DOCK3: variants seen among roughly 807,000 people sequenced by gnomAD.
DOCK3 encodes dedicator of cytokinesis protein 3.
DOCK3 carries 60 observed loss-of-function variants against 265.6 expected under a neutral mutation model. The ratio of observed to expected loss-of-function variants is 0.23; its 90% CI spans 0.18 to 0.28. The LOEUF (loss-of-function observed/expected upper bound fraction) is 0.28, where lower values mean the gene tolerates loss of function less well. Ranked by LOEUF, DOCK3 falls within the 10% of genes least tolerant of loss-of-function variation. The probability of loss-of-function intolerance (pLI) is 1.00; values close to 1 mark genes in which losing one functional copy is unlikely to be tolerated. For synonymous variants in DOCK3, 881 were observed against 938.0 expected (o/e 0.94, Z 1.11); for missense variants, 1,981 against 2,594.3 (o/e 0.76, Z 5.14).
intron 2 of DOCK3, chr3:50,786,555 G>T (rs911470893): frequency 4.2e-6 from 2 of 479,768 alleles, no homozygotes; most frequent in Non-Finnish European, 4.0e-6. Context: ...TTAAGGAGAT[G>T]GATGTTAATG....
intron 22 of DOCK3, among the ~76,000 whole-genome samples, chr3:51,254,232 C>G (rs2079421362): frequency 6.6e-6 from 1 of 152,164 alleles, no homozygotes; most frequent in Admixed American, 6.5e-5. Flanking sequence ...GTCTGAGAGA[C>G]AGTTTGTTAA....
At chr3:51,279,984 T>C (rs2081024456) in intron 26 of DOCK3, 122 bp from the exon 27 acceptor site, 1 of 743,192 alleles carries the variant, frequency 1.3e-6, no homozygotes, top group East Asian at 2.7e-5. Flanking sequence ...AGATTTGTCA[T>C]CTTTCTTCCA....
intron 5 of DOCK3, among the ~76,000 whole-genome samples, chr3:50,963,943 T>C (rs1348201828): frequency 6.6e-6 from 1 of 152,192 alleles, no homozygotes; most frequent in African/African-American, 2.4e-5. Flanking sequence ...TATTCAGCAG[T>C]GTGCTCATCA....
intron 2 of DOCK3, among the ~76,000 whole-genome samples, chr3:50,814,926 G>A (rs1441821751): frequency 6.6e-6 from 1 of 152,030 alleles, no homozygotes; most frequent in South Asian, 2.1e-4. Context: ...CTGGGTTCAA[G>A]CAATTCCCCT....
intron 5 of DOCK3, among the ~76,000 whole-genome samples, chr3:51,050,916 A>G (rs953878618): frequency 6.6e-6 from 1 of 152,200 alleles, no homozygotes; most frequent in Non-Finnish European, 1.5e-5. Context: ...ATAACCACAT[A>G]TATTTTAATG....
chr3:50,692,045 G>C (rs1006992433), intron 1 of DOCK3, among the ~76,000 whole-genome samples: 8 of 151,932 alleles, frequency 5.3e-5, no homozygotes, highest in Non-Finnish European at 1.0e-4. Context: ...CTCCTGGGTA[G>C]CTGGGACTAC....
At chr3:50,784,133 G>T (rs1220214990) in intron 2 of DOCK3, among the ~76,000 whole-genome samples, 2 of 152,158 alleles carry the variant, frequency 1.3e-5, no homozygotes, top group African/African-American at 4.8e-5. Context: ...CTCCCAAAGT[G>T]CTGGGATTAC....
At chr3:51,095,364 A>G (rs1032448210) in intron 9 of DOCK3, among the ~76,000 whole-genome samples, 3 of 152,124 alleles carry the variant, frequency 2.0e-5, no homozygotes, top group African/African-American at 7.2e-5. Context: ...GGTGGTGACA[A>G]AATCTCTCAG....
intron 4 of DOCK3, among the ~76,000 whole-genome samples, chr3:50,926,868 C>G (rs2050784024): frequency 6.6e-6 from 1 of 152,176 alleles, no homozygotes; most frequent in African/African-American, 2.4e-5. Context: ...TAACTGGTCT[C>G]CCTGTTTCTA....
At chr3:50,898,017 T>A (rs1168169695) in intron 4 of DOCK3, among the ~76,000 whole-genome samples, 1 of 105,076 alleles carries the variant, frequency 9.5e-6, no homozygotes, top group Admixed American at 1.1e-4. Context: ...GGAGTCACTC[T>A]TTTTCAGTTT....
intron 2 of DOCK3, among the ~76,000 whole-genome samples, chr3:50,814,833 C>CT (rs923884303): frequency 6.3e-4 from 94 of 148,046 alleles, no homozygotes; most frequent in African/African-American, 1.3e-3. Context: ...TTTTTTCATT[C>CT]TTTTTTTTTT....
chr3:50,787,674 A>G, intron 2 of DOCK3: 2 of 1,305,538 alleles, frequency 1.5e-6, no homozygotes, highest in Non-Finnish European at 2.2e-6. Flanking sequence ...TTCTGGGAGT[A>G]GGGGAAGTGG....
intron 2 of DOCK3, among the ~76,000 whole-genome samples, chr3:50,836,160 C>A (rs2045497104): frequency 6.6e-6 from 1 of 152,186 alleles, no homozygotes; most frequent in South Asian, 2.1e-4. Context: ...TCCTGGGGAT[C>A]CCATTCTGGA....
chr3:50,685,376 C>G (rs1007744282), intron 1 of DOCK3, among the ~76,000 whole-genome samples: 2 of 152,208 alleles, frequency 1.3e-5, no homozygotes, highest in Non-Finnish European at 2.9e-5. Context: ...AATAAATCCT[C>G]TCTTTACAAA....
intron 37 of DOCK3, among the ~76,000 whole-genome samples, chr3:51,339,571 C>A (rs1225416092): frequency 2.0e-5 from 3 of 152,192 alleles, no homozygotes; most frequent in Non-Finnish European, 2.9e-5. Context: ...TCTTGACAGG[C>A]CAGATAGGGC....
chr3:50,853,132 C>T (rs1219495307), intron 3 of DOCK3, among the ~76,000 whole-genome samples: 1 of 152,050 alleles, frequency 6.6e-6, no homozygotes, highest in Non-Finnish European at 1.5e-5. Flanking sequence ...AGAACTTATT[C>T]CTTTTAACTG....
intron 27 of DOCK3, among the ~76,000 whole-genome samples, chr3:51,309,614 A>C (rs1279295729): frequency 7.2e-6 from 1 of 139,022 alleles, no homozygotes; most frequent in Non-Finnish European, 1.5e-5. Flanking sequence ...AGGGAGAGGG[A>C]GAGGGAGAGC....
intron 9 of DOCK3, among the ~76,000 whole-genome samples, chr3:51,108,468 A>G (rs910182512): frequency 6.6e-6 from 1 of 152,236 alleles, no homozygotes. Context: ...GACACTATAA[A>G]GCAGCCACAC....
At chr3:51,328,513 A>G (rs2084300197) in intron 32 of DOCK3, among the ~76,000 whole-genome samples, 1 of 151,930 alleles carries the variant, frequency 6.6e-6, no homozygotes, top group East Asian at 1.9e-4. Flanking sequence ...TCAATCCCTA[A>G]GGACCCCAGG....
Sources: allele counts gnomAD v4.1 joint callset (sites outside exome capture counted in the v4.1 genomes callset), GRCh38; gene constraint gnomAD v4.1.1; transcripts MANE v1.5; gene names NCBI Gene and HGNC (gene_info 2026-07-23, HGNC 2026-07-21).